The following NOS2 variants were observed in gnomAD, a reference collection of about 807,000 sequenced individuals.
NOS2 encodes nitric oxide synthase 2, also known as nitric oxide synthase, inducible.
NOS2 carries 96 observed loss-of-function variants against 136.0 expected under a neutral mutation model. The ratio of observed to expected loss-of-function variants is 0.71; its 90% confidence interval spans 0.60 to 0.84. The LOEUF is 0.84. Ranked by LOEUF, NOS2 falls within the 40% of genes least tolerant of loss-of-function variation. The pLI, the probability that NOS2 is intolerant of heterozygous loss-of-function variation, is 0.00. For missense variants in NOS2, 1,237 were observed against 1,496.9 expected, an observed-to-expected ratio of 0.83 and a Z score of 2.87; for synonymous variants, 539 against 587.5, an observed-to-expected ratio of 0.92 and a Z score of 1.20.
At position 27,759,086 on chromosome 17, in the gene NOS2, A is replaced by G. The variant is rs202198521; in HGVS notation, c.3160-11T>C. On this transcript the variant is annotated splice_polypyrimidine_tract_variant and intron_variant, in intron 25 of 26. Coordinates refer to ENST00000313735, the MANE Select transcript of NOS2 (RefSeq NM_000625.4). ...GTCCTGAACATAGACCTGAAACCAG[A>G]GGAAACAGTGGGTTCAGTCCTCAGC... 2.6e-5 allele frequency: 41 copies of G among 1,571,208 alleles called. No homozygotes were observed. The African/African-American group carries it at 4.9e-4, about 19-fold the overall frequency.
intron 5 of NOS2, among the ~76,000 whole-genome samples, chr17:27,783,789 G>A (rs1020113569): frequency 5.9e-5 from 9 of 152,218 alleles, no homozygotes; most frequent in Middle Eastern, 3.2e-3. Context: ...GACCCAGGTC[G>A]CCCTGATGCC....
chr17:27,783,314 A>C (rs1908911906), intron 5 of NOS2, among the ~76,000 whole-genome samples: 1 of 152,140 alleles, frequency 6.6e-6, no homozygotes, highest in Non-Finnish European at 1.5e-5. Flanking sequence ...CCCATCTTGA[A>C]ATTCTTAATC....
intron 1 of NOS2, among the ~76,000 whole-genome samples, chr17:27,800,083 T>C (rs756091586): frequency 1.3e-5 from 2 of 152,234 alleles, no homozygotes; most frequent in Admixed American, 6.5e-5. Context: ...TCTTAGCAGA[T>C]ACAAACTCCC....
chr17:27,767,649 CT>C, intron 18 of NOS2, 55 bp downstream of exon 18: 2 of 1,590,972 alleles, frequency 1.3e-6, no homozygotes, highest in South Asian at 1.1e-5. Flanking sequence ...TGACCATGGG[CT>C]TAGGGCTCAG....
intron 15 of NOS2, 68 bp downstream of exon 15, chr17:27,770,845 C>G (rs1908467883): frequency 8.4e-7 from 1 of 1,192,462 alleles, no homozygotes; most frequent in Non-Finnish European, 1.2e-6. Context: ...GCCGCATCCC[C>G]CAGACCCTTT....
intron 2 of NOS2, among the ~76,000 whole-genome samples, chr17:27,794,714 G>GCGCACACACACACACA (rs371758052): frequency 6.9e-6 from 1 of 145,506 alleles, no homozygotes; most frequent in African/African-American, 2.5e-5. Context: ...ACACACACGC[G>GCGCACACACACACACA]CACACACACA....
intron 25 of NOS2, 110 bp from the exon 26 acceptor site, chr17:27,759,185 G>A (rs1908029591): frequency 2.8e-6 from 2 of 708,904 alleles, no homozygotes; most frequent in South Asian, 2.1e-5. Flanking sequence ...GGGGTGAGGA[G>A]TGAGTCCCCT....
chr17:27,761,069 C>T, intron 23 of NOS2, 75 bp downstream of exon 23: 1 of 1,360,028 alleles, frequency 7.4e-7, no homozygotes, highest in Non-Finnish European at 9.9e-7. Context: ...TCCTAAACCC[C>T]AGATCCCTCC....
rs1306140301 is a variant in NOS2 at position 27,791,782 on chromosome 17, C to CAA, written c.111-2096_111-2095dup. On this transcript the variant is annotated intron_variant, in intron 2 of 26. Coordinates refer to ENST00000313735, the MANE Select transcript of NOS2 (RefSeq NM_000625.4). The stretch of plus-strand genomic sequence containing the variant: ...TGTGGCCTGCCAGAAAAAAACAAAA[C>CAA]AAAACAAAACAAAACAAAACAAAAA... Among the ~76,000 whole-genome samples the CAA allele has an allele frequency of 5.0e-4, 60 of 120,754 alleles. 1 individual carries two copies. The highest frequency in any genetic ancestry group is 1.6e-3 in the African/African-American group (51 of 31,112). 79.2% of individuals were successfully genotyped at this position (120,754 alleles called of 152,430 possible).
chr17:27,768,901 G>A (rs1424524787), intron 17 of NOS2, 76 bp downstream of exon 17: 12 of 1,431,686 alleles, frequency 8.4e-6, no homozygotes, highest in Middle Eastern at 2.1e-4. Context: ...CACCTGGGAC[G>A]CCCAGCACAG....
At position 27,757,249 on chromosome 17, in the gene NOS2, G is replaced by A; in HGVS notation, c.3459C>T (p.Leu1153=). The A allele has an allele frequency of 6.2e-7, 1 of 1,613,562 alleles. No individual in the cohort carries two copies. Among genetic ancestry groups the A allele is most frequent in the Non-Finnish European group, 8.5e-7 (1 of 1,179,730 alleles). The change falls in exon 27 of 27, where the codon CTC becomes CTT. Residue 1153 remains leucine, a synonymous_variant. Transcript: ENST00000313735. The part of the protein sequence containing the change: ...VQPSSLEMSA[L] ...CTTTAACCCCTCCTGTAGGCCCTCA[G>A]AGCGCTGACATCTCCAGGCTGCTGG...
chr17:27,766,061 C>T (rs1369629963), intron 19 of NOS2, among the ~76,000 whole-genome samples: 1 of 152,220 alleles, frequency 6.6e-6, no homozygotes, highest in African/African-American at 2.4e-5. Context: ...AAACCCTGTT[C>T]TTATTAGAAC....
chr17:27,784,176 A>C (rs369734096), intron 5 of NOS2, among the ~76,000 whole-genome samples: 2,792 of 143,072 alleles, frequency 0.02, 94 homozygotes, highest in African/African-American at 0.066. Flanking sequence ...ACCACCACCA[A>C]CAACAACAAC....
At chr17:27,789,792 T>A in intron 2 of NOS2, 104 bp from the exon 3 acceptor site, 1 of 767,418 alleles carries the variant, frequency 1.3e-6, no homozygotes, top group Non-Finnish European at 2.3e-6. Flanking sequence ...GGAAACTGAG[T>A]CCAGAGGGTG....
At position 27,798,885 on chromosome 17, in the gene NOS2, G is replaced by A. The variant is rs201623453; in HGVS notation, c.-73-3C>T. 2.3e-5 allele frequency: 21 copies of A among 931,914 alleles called. No individual in the cohort carries two copies. The highest frequency in any genetic ancestry group is 3.7e-5 in the Non-Finnish European group (21 of 563,898). The allele number at this position is 931,914 out of a possible 1,614,324, so 57.7% of individuals were successfully genotyped here. ...CTCAGATGTTCTTCACTGTGGGGCTGAAGAAGGGAAGCAGAGGTGAGGGAA... is the reference window on the plus strand; with the variant it reads ...CTCAGATGTTCTTCACTGTGGGGCTAAAGAAGGGAAGCAGAGGTGAGGGAA... On this transcript the variant is annotated splice_polypyrimidine_tract_variant and splice_region_variant and intron_variant, in intron 1 of 26. Coordinates refer to ENST00000313735, the MANE Select transcript of NOS2 (RefSeq NM_000625.4).
intron 2 of NOS2, among the ~76,000 whole-genome samples, chr17:27,794,886 G>A (rs1030068741): frequency 6.6e-6 from 1 of 152,228 alleles, no homozygotes; most frequent in South Asian, 2.1e-4. Context: ...ATTGCTTTCA[G>A]GATGAAATCC....
chr17:27,785,947 G>A (rs2142521388), intron 5 of NOS2, among the ~76,000 whole-genome samples: 1 of 102,112 alleles, frequency 9.8e-6, no homozygotes, highest in East Asian at 3.1e-4. Flanking sequence ...GACAGAGCAA[G>A]ACCGAGTCTC....
intron 2 of NOS2, 72 bp downstream of exon 2, chr17:27,798,628 C>A: frequency 1.1e-6 from 1 of 892,550 alleles, no homozygotes; most frequent in Non-Finnish European, 1.9e-6. Flanking sequence ...GAGAGGAATT[C>A]TGAGTCATCG....
At chr17:27,795,521 G>A (rs903402957) in intron 2 of NOS2, among the ~76,000 whole-genome samples, 1 of 152,350 alleles carries the variant, frequency 6.6e-6, no homozygotes, top group South Asian at 2.1e-4. Flanking sequence ...CACAGAGCCA[G>A]GGGAGTGGGC....
Sources: allele counts gnomAD v4.1 joint callset (sites outside exome capture counted in the v4.1 genomes callset), GRCh38; gene constraint gnomAD v4.1.1; transcripts MANE v1.5; gene names NCBI Gene and HGNC (gene_info 2026-07-23, HGNC 2026-07-21).